Variants in ADGB observed in about 807,000 individuals in gnomAD.
The protein encoded by ADGB is calpain-7-like protein.
Under a neutral mutation model 210.5 loss-of-function variants are expected in ADGB, and 172 were observed. The observed-to-expected ratio is 0.82, with a 90% CI of 0.72 to 0.93. The LOEUF is 0.93. Ranked by LOEUF, ADGB falls within the 40% of genes least tolerant of loss-of-function variation. ADGB has a pLI of 0.00. For synonymous variants in ADGB, 658 were observed against 662.7 expected (o/e 0.99, Z 0.11); for missense variants, 2,025 against 1,964.8 (o/e 1.03, Z -0.58).
chr6:146,642,533 A>T (rs1411745892), intron 2 of ADGB, among the ~76,000 whole-genome samples: 2 of 152,046 alleles, frequency 1.3e-5, no homozygotes, highest in Non-Finnish European at 2.9e-5. Flanking sequence ...GTACATATAC[A>T]CTATGGATAC....
intron 27 of ADGB, among the ~76,000 whole-genome samples, chr6:146,762,626 T>C (rs1777509341): frequency 6.6e-6 from 1 of 152,128 alleles, no homozygotes; most frequent in Non-Finnish European, 1.5e-5. Context: ...TAGATTATGC[T>C]CTTTTAATTG....
chr6:146,797,978 A>AAAAC (rs200521729), intron 33 of ADGB, among the ~76,000 whole-genome samples: 6 of 151,406 alleles, frequency 4.0e-5, no homozygotes, highest in African/African-American at 1.2e-4. Context: ...TGAAAAAAAA[A>AAAAC]AAGTTGGATA....
chr6:146,737,825 ATTG>A (rs1029737439), intron 23 of ADGB, among the ~76,000 whole-genome samples: 110 of 152,220 alleles, frequency 7.2e-4, no homozygotes, highest in African/African-American at 2.3e-3. Context: ...CCTTCAGGGG[ATTG>A]TTGTTCTTCT....
At chr6:146,784,437 G>T (rs73584863) in intron 30 of ADGB, among the ~76,000 whole-genome samples, 181 bp from the exon 31 acceptor site, 1 of 152,044 alleles carries the variant, frequency 6.6e-6, no homozygotes, top group Admixed American at 6.6e-5. Context: ...ATATATGTTG[G>T]TTTTTTGTGT....
At chr6:146,763,184 T>C (rs1300165914) in intron 27 of ADGB, among the ~76,000 whole-genome samples, 1 of 152,186 alleles carries the variant, frequency 6.6e-6, no homozygotes, top group Non-Finnish European at 1.5e-5. Context: ...CTTTGTATGT[T>C]TCCCTTGTCT....
At chr6:146,743,757 T>C (rs1414455516) in intron 25 of ADGB, among the ~76,000 whole-genome samples, 1 of 152,024 alleles carries the variant, frequency 6.6e-6, no homozygotes, top group African/African-American at 2.4e-5. Flanking sequence ...CTACTAATAA[T>C]ACAAAAATTA....
chr6:146,693,296 G>A (rs1229824673), intron 12 of ADGB, among the ~76,000 whole-genome samples: 1 of 152,124 alleles, frequency 6.6e-6, no homozygotes, highest in Non-Finnish European at 1.5e-5. Flanking sequence ...GTGACCTTCT[G>A]AGGAGAGACA....
At chr6:146,766,506 A>T (rs970227709) in intron 28 of ADGB, among the ~76,000 whole-genome samples, 1 of 151,784 alleles carries the variant, frequency 6.6e-6, no homozygotes, top group African/African-American at 2.4e-5. Context: ...GGGGAAACAC[A>T]TAACTTCCTG....
At chr6:146,773,494 A>G (rs939112710) in intron 29 of ADGB, among the ~76,000 whole-genome samples, 2 of 152,176 alleles carry the variant, frequency 1.3e-5, no homozygotes, top group Non-Finnish European at 2.9e-5. Context: ...GGAGAGACCT[A>G]GAAGTTTAAT....
chr6:146,628,483 A>G lies in ADGB; in HGVS notation c.75-6892A>G, dbSNP rs528168952. Among the ~76,000 whole-genome samples, 8 of 152,284 alleles carry G rather than the reference A, an allele frequency of 5.3e-5. No individual in the cohort carries two copies. In the East Asian group the frequency reaches 1.5e-3, roughly 29 times the overall value. Reference sequence around the variant, plus strand: ...ATAATGAGCAAAGTCAACACTGACTAGAAAACAAAGTTCAAACTCCTCAGC... The same window carrying G: ...ATAATGAGCAAAGTCAACACTGACTGGAAAACAAAGTTCAAACTCCTCAGC... On this transcript the variant is annotated intron_variant, in intron 1 of 35. Transcript: ENST00000397944.
At chr6:146,776,800 A>G (rs542831988) in intron 29 of ADGB, among the ~76,000 whole-genome samples, 1 of 152,234 alleles carries the variant, frequency 6.6e-6, no homozygotes, top group East Asian at 1.9e-4. Context: ...CCTATTTTAA[A>G]TGCTCTATAT....
chr6:146,731,747 A>G (rs1303147082), intron 20 of ADGB, among the ~76,000 whole-genome samples: 1 of 152,020 alleles, frequency 6.6e-6, no homozygotes, highest in Non-Finnish European at 1.5e-5. Context: ...GCCCAAAGCA[A>G]CCACACATAT....
At chr6:146,797,953 T>C (rs1307545723) in intron 33 of ADGB, among the ~76,000 whole-genome samples, 1 of 149,648 alleles carries the variant, frequency 6.7e-6, no homozygotes, top group African/African-American at 2.5e-5. Context: ...AAGTAAATAG[T>C]TGGAGATTCA....
intron 12 of ADGB, among the ~76,000 whole-genome samples, chr6:146,694,375 C>T (rs369657481): frequency 6.6e-6 from 1 of 152,154 alleles, no homozygotes; most frequent in African/African-American, 2.4e-5. Context: ...TGTGTACTCA[C>T]CTAGTGGAAG....
chr6:146,799,804 T>C (rs1778099064), intron 33 of ADGB, among the ~76,000 whole-genome samples: 1 of 151,760 alleles, frequency 6.6e-6, no homozygotes, highest in Non-Finnish European at 1.5e-5. Context: ...GTTTCTTTTG[T>C]TGTTGTTGTT....
At chr6:146,656,749 C>T (rs1022108386) in intron 4 of ADGB, 22 bp from the exon 5 acceptor site, 25 of 1,474,230 alleles carry the variant, frequency 1.7e-5, no homozygotes, top group Non-Finnish European at 2.3e-5. Context: ...AACCAATTAA[C>T]CCTAATGTTT....
At chr6:146,715,645 A>G (rs866206737) in intron 14 of ADGB, among the ~76,000 whole-genome samples, 1 of 152,164 alleles carries the variant, frequency 6.6e-6, no homozygotes, top group Non-Finnish European at 1.5e-5. Context: ...AATAAAGTTC[A>G]TGTGTTTTAA....
At chr6:146,708,509 T>A (rs1776609184) in intron 13 of ADGB, among the ~76,000 whole-genome samples, 1 of 152,102 alleles carries the variant, frequency 6.6e-6, no homozygotes, top group African/African-American at 2.4e-5. Flanking sequence ...CTTAGTATTA[T>A]TTTTATTCAG....
At chr6:146,661,563 T>C (rs1046393111) in intron 5 of ADGB, among the ~76,000 whole-genome samples, 5 of 152,070 alleles carry the variant, frequency 3.3e-5, no homozygotes, top group African/African-American at 9.7e-5. Flanking sequence ...TATTGAAAAC[T>C]TCATCATAAA....
Sources: allele counts gnomAD v4.1 joint callset (sites outside exome capture counted in the v4.1 genomes callset), GRCh38; gene constraint gnomAD v4.1.1; transcripts MANE v1.5; gene names NCBI Gene and HGNC (gene_info 2026-07-23, HGNC 2026-07-21).